Variants in BHLHE22 observed in about 807,000 individuals in gnomAD.
BHLHE22 encodes the protein class E basic helix-loop-helix protein 22.
Under a neutral mutation model 17.6 loss-of-function variants are expected in BHLHE22, and 8 were observed. The ratio of observed to expected loss-of-function variants is 0.45; its 90% CI spans 0.27 to 0.82. BHLHE22 has a LOEUF of 0.82. BHLHE22 is among the 40% of genes least tolerant of loss of function. The pLI is 0.16. For missense variants in BHLHE22, 570 were observed against 581.5 expected, an observed-to-expected ratio of 0.98 and a Z score of 0.20; for synonymous variants, 353 against 282.7, an observed-to-expected ratio of 1.25 and a Z score of -2.49.
In BHLHE22 at chr8:64,582,254, T is replaced by A; in HGVS notation, c.*318T>A. 2.4e-6 allele frequency: 1 copy of A among 413,688 alleles called. No individual in the cohort carries two copies. The allele number at this position is 413,688 out of a possible 1,614,324, so 25.6% of individuals were successfully genotyped here. On this transcript the variant is annotated 3_prime_UTR_variant, in exon 1 of 1. Coordinates refer to ENST00000321870, the MANE Select transcript of BHLHE22 (RefSeq NM_152414.5). ...GAGGAAGTGGAATCTTCCTTAAAGG[T>A]GAAACATAAGTTGAGAAGTAGTGCT...
Position 64,581,460 on chromosome 8 carries a change from G to GGCGGCAGCAGCAGCA in BHLHE22, c.673_687dup (p.Gly225_Ser229dup), listed in dbSNP as rs1554581645. On this transcript the variant is annotated inframe_insertion, in exon 1 of 1. Transcript: ENST00000321870. This position sits in a 1 kb window ranked among gnomAD's most constrained non-coding sequence, Gnocchi z 6.4. Reference sequence around the variant, plus strand: ...CGGTGGCGGTAGCGGTAGCGGCAGCGGCGGCAGCAGCAGCAGCAGCAGCAG... The same window carrying GGCGGCAGCAGCAGCA: ...CGGTGGCGGTAGCGGTAGCGGCAGCGGCGGCAGCAGCAGCAGCGGCAGCAGCAGCAGCAGCAGCAG... 1 of 1,530,778 alleles carries GGCGGCAGCAGCAGCA rather than the reference G, an allele frequency of 6.5e-7. No individual in the cohort carries two copies. Among genetic ancestry groups the GGCGGCAGCAGCAGCA allele is most frequent in the Non-Finnish European group, 8.8e-7 (1 of 1,140,516 alleles). The allele number at this position is 1,530,778 out of a possible 1,614,324, so 94.8% of individuals were successfully genotyped here.
In BHLHE22 at chr8:64,581,450, T is replaced by TAGCGGC. The variant is rs763704164; in HGVS notation, c.667_672dup (p.Ser223_Gly224dup). Reference sequence around the variant, plus strand: ...GCAGTGGCGGCGGTGGCGGTAGCGGTAGCGGCAGCGGCGGCAGCAGCAGCA... The same window carrying TAGCGGC: ...GCAGTGGCGGCGGTGGCGGTAGCGGTAGCGGCAGCGGCAGCGGCGGCAGCAGCAGCA... On this transcript the variant is annotated inframe_insertion, in exon 1 of 1. Transcript: ENST00000321870. The surrounding 1 kb of genome is among the most constrained non-coding windows in gnomAD (Gnocchi z 6.4). The TAGCGGC allele has an allele frequency of 0.096, 145,993 of 1,525,034 alleles. 6,370 individuals are homozygous for TAGCGGC. Among genetic ancestry groups the TAGCGGC allele is most frequent in the Non-Finnish European group, 0.11 (121,027 of 1,135,940 alleles). 94.5% of individuals were successfully genotyped at this position (1,525,034 alleles called of 1,614,324 possible). A position where few individuals can be genotyped will look rare whatever the true frequency, so the allele number is the denominator to read the frequency against.
In BHLHE22 at chr8:64,581,366, C is replaced by T; in HGVS notation, c.576C>T (p.Gly192=). ...GCTCCAATGCCCACCTCCACGGCGG[C>T]GCCAGCGTCCCCCCGGGGGGCCTGG... ...EGCSNAHLHG[G]ASVPPGGLGG... The change falls in exon 1 of 1, where the codon GGC becomes GGT. Residue 192 remains glycine (G), a synonymous_variant. Coordinates refer to ENST00000321870, the MANE Select transcript of BHLHE22 (RefSeq NM_152414.5). The surrounding 1 kb of genome is among the most constrained non-coding windows in gnomAD (Gnocchi z 6.4). 5 of 1,473,014 alleles carry T rather than the reference C, an allele frequency of 3.4e-6. No homozygotes were observed. Among genetic ancestry groups the T allele is most frequent in the Non-Finnish European group, 4.4e-6 (5 of 1,123,912 alleles). The allele number at this position is 1,473,014 out of a possible 1,614,324, so 91.2% of individuals were successfully genotyped here.
At position 64,582,927 on chromosome 8, in the gene BHLHE22, A is replaced by C. The variant is rs1014906449; in HGVS notation, c.*991A>C. 6.0e-6 allele frequency: 1 copy of C among 166,990 alleles called. No individual in the cohort carries two copies. Among genetic ancestry groups the C allele is most frequent in the African/African-American group, 2.4e-5 (1 of 41,468 alleles). The allele number at this position is 166,990 out of a possible 1,614,324, so 10.3% of individuals were successfully genotyped here. A position where few individuals can be genotyped will look rare whatever the true frequency, so the allele number is the denominator to read the frequency against. The stretch of plus-strand genomic sequence containing the variant: ...CTTAGGTTTATGAAAGGTCACCTGG[A>C]TATTTTCAGTTGCATCATCCCTGTA... On this transcript the variant is annotated 3_prime_UTR_variant, in exon 1 of 1. Transcript: ENST00000321870.
rs1175673143 is a variant in BHLHE22 at position 64,581,317 on chromosome 8, G to A, written c.527G>A (p.Gly176Asp). The change falls in exon 1 of 1, where the codon GGT becomes GAT. Residue 176 changes from glycine (G) to aspartate (D), a missense_variant. Coordinates refer to ENST00000321870, the MANE Select transcript of BHLHE22 (RefSeq NM_152414.5). The surrounding 1 kb of genome is among the most constrained non-coding windows in gnomAD (Gnocchi z 6.4). ...CGGGCCTCCCCGGGAGCGGGAGGTG[G>A]TGGCGCGAAGGCAGCCGAGGGCTGC... is the stretch of plus-strand genomic sequence containing the variant. ...DPRASPGAGGGGAKAAEGCSN... is the reference protein window; with the variant it reads ...DPRASPGAGGDGAKAAEGCSN... The A allele has an allele frequency of 7.0e-7, 1 of 1,431,272 alleles. No homozygotes were observed. The highest frequency in any genetic ancestry group is 9.0e-7 in the Non-Finnish European group (1 of 1,105,338). 88.7% of individuals were successfully genotyped at this position (1,431,272 alleles called of 1,614,324 possible). A position where few individuals can be genotyped will look rare whatever the true frequency, so the allele number is the denominator to read the frequency against.
chr8:64,581,187 G>A lies in BHLHE22; in HGVS notation c.397G>A (p.Ala133Thr), dbSNP rs765899577. ...CCTTTGCCTCAAGTACGGCGAAAGC[G>A]CGAGCCGGGGCTCGGTGGCCGAGAG... ...AALCLKYGESASRGSVAESSG... is the reference protein window; with the variant it reads ...AALCLKYGESTSRGSVAESSG... The change falls in exon 1 of 1, where the codon GCG becomes ACG. Residue 133 changes from alanine to threonine, a missense_variant. Around this residue, in one of 3 missense-constraint regions of BHLHE22, gnomAD observed 427 missense variants for 376.2 expected, o/e 1.14. Transcript: ENST00000321870. The surrounding 1 kb of genome is among the most constrained non-coding windows in gnomAD (Gnocchi z 6.4). 1.4e-6 allele frequency: 2 copies of A among 1,427,404 alleles called. No homozygotes were observed. Among genetic ancestry groups the A allele is most frequent in the Admixed American group, 3.0e-5 (1 of 33,878 alleles). 88.4% of individuals were successfully genotyped at this position (1,427,404 alleles called of 1,614,324 possible).
In BHLHE22 at chr8:64,583,125, C is replaced by G. The variant is rs1384245629; in HGVS notation, c.*1189C>G. 1.4e-4 allele frequency: 23 copies of G among 166,960 alleles called. No homozygotes were observed. The highest frequency in any genetic ancestry group is 5.9e-5 in the Non-Finnish European group (4 of 68,080). 10.3% of individuals were successfully genotyped at this position (166,960 alleles called of 1,614,324 possible). A position where few individuals can be genotyped will look rare whatever the true frequency, so the allele number is the denominator to read the frequency against. On this transcript the variant is annotated 3_prime_UTR_variant, in exon 1 of 1. Transcript: ENST00000321870. ...AAGAACATGCTAAGCAAATATTTTT[C>G]CAGGCTGTGCTGTGCATTTTTAAAA...
Position 64,581,090 on chromosome 8 carries a change from C to T in BHLHE22, c.300C>T (p.Val100=), listed in dbSNP as rs774732671. 116 of 1,338,198 alleles carry T rather than the reference C, an allele frequency of 8.7e-5. No homozygotes were observed. Among genetic ancestry groups the T allele is most frequent in the African/African-American group, 5.1e-4 (33 of 64,708 alleles). The allele number at this position is 1,338,198 out of a possible 1,614,324, so 82.9% of individuals were successfully genotyped here. Residue 100 remains valine (V), a synonymous_variant, in exon 1 of 1, where the codon GTC becomes GTT. Transcript: ENST00000321870. The surrounding 1 kb of genome is among the most constrained non-coding windows in gnomAD (Gnocchi z 6.4). Reference sequence around the variant, plus strand: ...GCGGCGGCGGCGGCGGGGTGGGTGTCCCCGGGCTGCTAGTAGGTTCAGCCG... The same window carrying T: ...GCGGCGGCGGCGGCGGGGTGGGTGTTCCCGGGCTGCTAGTAGGTTCAGCCG... ...SGGGGGGGVG[V]PGLLVGSAGV... is the part of the protein sequence containing the mutation.
Position 64,581,463 on chromosome 8 carries a change from G to GGCAGCGGCGGCA in BHLHE22, c.678_679insGGCGGCAGCAGC (p.Ser226_Ser227insGlyGlySerSer), listed in dbSNP as rs1554581651. ...TGGCGGTAGCGGTAGCGGCAGCGGC[G>GGCAGCGGCGGCA]GCAGCAGCAGCAGCAGCAGCAGCAG... On this transcript the variant is annotated inframe_insertion, in exon 1 of 1. Coordinates refer to ENST00000321870, the MANE Select transcript of BHLHE22 (RefSeq NM_152414.5). This position sits in a 1 kb window ranked among gnomAD's most constrained non-coding sequence, Gnocchi z 6.4. 7 of 1,450,652 alleles carry GGCAGCGGCGGCA rather than the reference G, an allele frequency of 4.8e-6. No homozygotes were observed. Among genetic ancestry groups the GGCAGCGGCGGCA allele is most frequent in the African/African-American group, 4.4e-5 (3 of 68,676 alleles). The allele number at this position is 1,450,652 out of a possible 1,614,324, so 89.9% of individuals were successfully genotyped here.
Position 64,582,131 on chromosome 8 carries a change from G to A in BHLHE22, c.*195G>A, listed in dbSNP as rs1036854526. 1 of 657,266 alleles carries A rather than the reference G, an allele frequency of 1.5e-6. No homozygotes were observed. Among genetic ancestry groups the A allele is most frequent in the Non-Finnish European group, 2.6e-6 (1 of 388,502 alleles). The allele number at this position is 657,266 out of a possible 1,614,324, so 40.7% of individuals were successfully genotyped here. A position where few individuals can be genotyped will look rare whatever the true frequency, so the allele number is the denominator to read the frequency against. On this transcript the variant is annotated 3_prime_UTR_variant, in exon 1 of 1. Coordinates refer to ENST00000321870, the MANE Select transcript of BHLHE22 (RefSeq NM_152414.5). ...GACATCCCCAGAATCTCGGTCTTTG[G>A]GGTGGGGAGGGAGGGAGGAGGGAGG...
In BHLHE22 at chr8:64,582,364, G is replaced by C. The variant is rs1260840112; in HGVS notation, c.*428G>C. ...GATTTGGCTAGTGCTGAGGGGGAGA[G>C]GAGGGGTTAGGGGTTGGGTAGCATG... On this transcript the variant is annotated 3_prime_UTR_variant, in exon 1 of 1. Coordinates refer to ENST00000321870, the MANE Select transcript of BHLHE22 (RefSeq NM_152414.5). The C allele has an allele frequency of 4.6e-6, 1 of 216,174 alleles. No homozygotes were observed. Among genetic ancestry groups the C allele is most frequent in the East Asian group, 1.8e-4 (1 of 5,478 alleles). The allele number at this position is 216,174 out of a possible 1,614,324, so 13.4% of individuals were successfully genotyped here. A position where few individuals can be genotyped will look rare whatever the true frequency, so the allele number is the denominator to read the frequency against.
Position 64,583,452 on chromosome 8 carries a change from TCA to T in BHLHE22, c.*1517_*1518del, listed in dbSNP as rs1804933151. Reference sequence around the variant, plus strand: ...TCCACTCCTTGCAGATAATACAAATTCAGTTTGTCAGGTTGGATGGTGAGTTG... The same window carrying T: ...TCCACTCCTTGCAGATAATACAAATTGTTTGTCAGGTTGGATGGTGAGTTG... On this transcript the variant is annotated 3_prime_UTR_variant, in exon 1 of 1. Coordinates refer to ENST00000321870, the MANE Select transcript of BHLHE22 (RefSeq NM_152414.5). 1 of 167,072 alleles carries T rather than the reference TCA, an allele frequency of 6.0e-6. No individual in the cohort carries two copies. The highest frequency in any genetic ancestry group is 2.4e-5 in the African/African-American group (1 of 41,434). The allele number at this position is 167,072 out of a possible 1,614,324, so 10.3% of individuals were successfully genotyped here. A position where few individuals can be genotyped will look rare whatever the true frequency, so the allele number is the denominator to read the frequency against.
rs1459635221 is a variant in BHLHE22, at chr8:64,580,840, T to C, written c.50T>C (p.Leu17Pro). The C allele has an allele frequency of 4.0e-6, 6 of 1,487,068 alleles. No individual in the cohort carries two copies. The highest frequency in any genetic ancestry group is 5.3e-6 in the Non-Finnish European group (6 of 1,126,116). 92.1% of individuals were successfully genotyped at this position (1,487,068 alleles called of 1,614,324 possible). ...LGAAAAGEDD[L>P]FLHKSLSAST... ...GCAGCGGCCGCCGGCGAGGACGACC[T>C]CTTCCTGCACAAGAGCCTGAGCGCC... is the stretch of plus-strand genomic sequence containing the variant. Residue 17 changes from leucine to proline, a missense_variant, in exon 1 of 1, where the codon CTC becomes CCC. Transcript: ENST00000321870.
chr8:64,582,006 T>C lies in BHLHE22; in HGVS notation c.*70T>C. 3 of 1,531,364 alleles carry C rather than the reference T, an allele frequency of 2.0e-6. No individual in the cohort carries two copies. The highest frequency in any genetic ancestry group is 8.8e-7 in the Non-Finnish European group (1 of 1,135,376). The allele number at this position is 1,531,364 out of a possible 1,614,324, so 94.9% of individuals were successfully genotyped here. On this transcript the variant is annotated 3_prime_UTR_variant, in exon 1 of 1. Coordinates refer to ENST00000321870, the MANE Select transcript of BHLHE22 (RefSeq NM_152414.5). The stretch of plus-strand genomic sequence containing the variant: ...AGCGAAAAGCTGCTCCCCACCCCCT[T>C]TATTTTGGTCCTCTCGTAGTTGTGA...
In BHLHE22 at chr8:64,581,738, C is replaced by T; in HGVS notation, c.948C>T (p.Ile316=). 1.9e-6 allele frequency: 3 copies of T among 1,601,520 alleles called. No individual in the cohort carries two copies. The South Asian group carries it at 3.3e-5, about 18-fold the overall frequency. The part of the protein sequence containing the change: ...LVAYLNQGQA[I]SAASLPSSAA... ...CCTACCTCAACCAGGGCCAGGCCAT[C>T]TCGGCTGCCTCCCTGCCCAGCTCGG... Residue 316 remains isoleucine, a synonymous_variant, in exon 1 of 1, where the codon ATC becomes ATT. Coordinates refer to ENST00000321870, the MANE Select transcript of BHLHE22 (RefSeq NM_152414.5). The surrounding 1 kb of genome is among the most constrained non-coding windows in gnomAD (Gnocchi z 6.4).
rs1385915877 is a variant in BHLHE22 at position 64,583,333 on chromosome 8, G to A, written c.*1397G>A. ...GAACAAGAAGCTATTTACCCAAAGT[G>A]AGCTTTCAGTTTTAGTTTTGCATGG... On this transcript the variant is annotated 3_prime_UTR_variant, in exon 1 of 1. Transcript: ENST00000321870. The A allele has an allele frequency of 6.0e-6, 1 of 167,064 alleles. No individual in the cohort carries two copies. Among genetic ancestry groups the A allele is most frequent in the Non-Finnish European group, 1.5e-5 (1 of 68,118 alleles). The allele number at this position is 167,064 out of a possible 1,614,324, so 10.3% of individuals were successfully genotyped here.
At position 64,580,931 on chromosome 8, in the gene BHLHE22, G is replaced by A; in HGVS notation, c.141G>A (p.Ala47=). Residue 47 remains alanine (A), a synonymous_variant, in exon 1 of 1, where the codon GCG becomes GCA. Coordinates refer to ENST00000321870, the MANE Select transcript of BHLHE22 (RefSeq NM_152414.5). ...STPPGMDLSL[A]PPPRERPASS... The stretch of plus-strand genomic sequence containing the variant: ...CCCCGGGCATGGACCTGTCCCTGGC[G>A]CCGCCGCCTCGGGAACGCCCGGCGT... 3 of 1,483,450 alleles carry A rather than the reference G, an allele frequency of 2.0e-6. No homozygotes were observed. Among genetic ancestry groups the A allele is most frequent in the Non-Finnish European group, 2.7e-6 (3 of 1,125,500 alleles). The allele number at this position is 1,483,450 out of a possible 1,614,324, so 91.9% of individuals were successfully genotyped here. A position where few individuals can be genotyped will look rare whatever the true frequency, so the allele number is the denominator to read the frequency against.
chr8:64,582,186 T>A lies in BHLHE22; in HGVS notation c.*250T>A. ...GTTGGGATGGAGTATGGATGTCTTTTTTTTCTCAGAAAAGTGGCAACTTTG... is the reference window on the plus strand; with the variant it reads ...GTTGGGATGGAGTATGGATGTCTTTATTTTCTCAGAAAAGTGGCAACTTTG... On this transcript the variant is annotated 3_prime_UTR_variant, in exon 1 of 1. Coordinates refer to ENST00000321870, the MANE Select transcript of BHLHE22 (RefSeq NM_152414.5). 1 of 544,466 alleles carries A rather than the reference T, an allele frequency of 1.8e-6. No individual in the cohort carries two copies. Among genetic ancestry groups the A allele is most frequent in the Non-Finnish European group, 3.3e-6 (1 of 306,476 alleles). The allele number at this position is 544,466 out of a possible 1,614,324, so 33.7% of individuals were successfully genotyped here.
rs768488777 is a variant in BHLHE22, at chr8:64,580,402, T to A, written c.-389T>A. The A allele has an allele frequency of 5.0e-4, 77 of 152,862 alleles. No individual in the cohort carries two copies. Among genetic ancestry groups the A allele is most frequent in the Non-Finnish European group, 1.0e-3 (71 of 68,128 alleles). The allele number at this position is 152,862 out of a possible 1,614,324, so 9.5% of individuals were successfully genotyped here. On this transcript the variant is annotated 5_prime_UTR_variant, in exon 1 of 1. An upstream start codon of the reference 5' UTR is lost. Coordinates refer to ENST00000321870, the MANE Select transcript of BHLHE22 (RefSeq NM_152414.5). ...CCCGTCTGTGGCGGCGGCTGTTTGA[T>A]GGGTCCGGAAATCTCTTGAAGGTGA...
Sources: allele counts gnomAD v4.1 joint callset, GRCh38; gene constraint gnomAD v4.1.1; regional missense constraint gnomAD v4.1.1; non-coding constraint Gnocchi (gnomAD v3.1); transcripts MANE v1.5; gene names NCBI Gene and HGNC (gene_info 2026-07-23, HGNC 2026-07-21).